Variants in CGNL1 observed in about 807,000 individuals in gnomAD.
The protein encoded by CGNL1 is cingulin-like protein 1.
A neutral mutation model predicts 141.2 loss-of-function variants in CGNL1; 132 were observed. The ratio of observed to expected loss-of-function variants is 0.93; its 90% confidence interval spans 0.81 to 1.08. CGNL1 has a LOEUF of 1.08. CGNL1 is among the 50% of genes least tolerant of loss of function. The pLI is 0.00. For synonymous variants in CGNL1, 690 were observed against 622.1 expected (o/e 1.11, Z -1.63); for missense variants, 1,870 against 1,588.6 (o/e 1.18, Z -3.01).
chr15:57,496,712 A>G (rs1390805233), intron 8 of CGNL1, among the ~76,000 whole-genome samples: 1 of 152,210 alleles, frequency 6.6e-6, no homozygotes, highest in Non-Finnish European at 1.5e-5. Flanking sequence ...CCCTGGAGTC[A>G]GACTCACATG....
intron 8 of CGNL1, among the ~76,000 whole-genome samples, chr15:57,483,933 G>A (rs2063757309): frequency 6.6e-6 from 1 of 152,002 alleles, no homozygotes; most frequent in Non-Finnish European, 1.5e-5. Flanking sequence ...TAGCATTCCT[G>A]GAATAAACTT....
intron 1 of CGNL1, among the ~76,000 whole-genome samples, chr15:57,435,079 G>A (rs1000036848): frequency 6.6e-6 from 1 of 152,144 alleles, no homozygotes; most frequent in Non-Finnish European, 1.5e-5. Context: ...TCTCACAGAT[G>A]TAATGTAGTT....
chr15:57,430,400 A>G (rs543148701), intron 1 of CGNL1, among the ~76,000 whole-genome samples: 28 of 152,258 alleles, frequency 1.8e-4, no homozygotes, highest in Non-Finnish European at 3.1e-4. Context: ...TGAATGACTT[A>G]TCTAACACTT....
intron 8 of CGNL1, among the ~76,000 whole-genome samples, chr15:57,463,277 T>C (rs1220312080): frequency 6.6e-6 from 1 of 152,134 alleles, no homozygotes; most frequent in Non-Finnish European, 1.5e-5. Flanking sequence ...GTCAGAGATA[T>C]GTAAGTGAGG....
At chr15:57,401,954 C>A (rs1451844417) in intron 1 of CGNL1, 1 of 152,056 alleles carries the variant, frequency 6.6e-6, no homozygotes, top group Non-Finnish European at 1.5e-5. Flanking sequence ...GACAATGTAC[C>A]CTTTTTCTTT....
chr15:57,526,027 G>C (rs779643832), intron 12 of CGNL1, among the ~76,000 whole-genome samples: 1 of 152,102 alleles, frequency 6.6e-6, no homozygotes, highest in Non-Finnish European at 1.5e-5. Context: ...AGTACTTCCC[G>C]TTGCGTTTTA....
intron 8 of CGNL1, among the ~76,000 whole-genome samples, chr15:57,479,300 A>G (rs2063695642): frequency 6.6e-6 from 1 of 152,198 alleles, no homozygotes. Context: ...TGGGAAAGGA[A>G]GGGCAGGAGC....
intron 8 of CGNL1, among the ~76,000 whole-genome samples, chr15:57,480,933 A>G (rs909753774): frequency 2.0e-5 from 3 of 152,014 alleles, no homozygotes; most frequent in African/African-American, 4.8e-5. Flanking sequence ...TAGATTTTCT[A>G]TTATTTCCCC....
At position 57,422,302 on chromosome 15, in the gene CGNL1, G is replaced by A. The variant is rs558122285; in HGVS notation, c.-15-15683G>A. Among the ~76,000 whole-genome samples, 8 of 151,660 alleles carry A rather than the reference G, an allele frequency of 5.3e-5. No homozygotes were observed. In the South Asian group the frequency reaches 1.5e-3, roughly 28 times the overall value. ...AAATGTCTGCTTCCTGCCACCCTCA[G>A]GAAGTCAGAGAACAGGGTAAATTTG... On this transcript the variant is annotated intron_variant, in intron 1 of 18. Transcript: ENST00000281282.
At chr15:57,403,440 G>A (rs2062681639) in intron 1 of CGNL1, among the ~76,000 whole-genome samples, 1 of 152,126 alleles carries the variant, frequency 6.6e-6, no homozygotes, top group Non-Finnish European at 1.5e-5. Context: ...CCCAAACCCA[G>A]AAAACAGAAT....
At chr15:57,535,348 A>G (rs1014657653) in intron 14 of CGNL1, among the ~76,000 whole-genome samples, 1 of 152,248 alleles carries the variant, frequency 6.6e-6, no homozygotes, top group South Asian at 2.1e-4. Flanking sequence ...ATTGATAACT[A>G]ACAATAGAAA....
chr15:57,457,412 C>G (rs79097747), intron 7 of CGNL1, among the ~76,000 whole-genome samples: 3,578 of 152,318 alleles, frequency 0.023, 53 homozygotes, highest in Non-Finnish European at 0.031. Flanking sequence ...CCTGTCTCTT[C>G]AGGCTCTGGT....
chr15:57,394,663 T>A (rs1164535944), intron 1 of CGNL1, among the ~76,000 whole-genome samples: 3 of 152,244 alleles, frequency 2.0e-5, no homozygotes, highest in Non-Finnish European at 2.9e-5. Context: ...TGACCTATTG[T>A]AATCTCCCAT....
chr15:57,405,712 A>G (rs985808209), intron 1 of CGNL1, among the ~76,000 whole-genome samples: 2 of 151,552 alleles, frequency 1.3e-5, no homozygotes, highest in Non-Finnish European at 2.9e-5. Flanking sequence ...GAAGATAGAA[A>G]AACTCGCAGA....
chr15:57,533,220 G>T (rs562735714), intron 14 of CGNL1, among the ~76,000 whole-genome samples: 1 of 152,154 alleles, frequency 6.6e-6, no homozygotes, highest in Non-Finnish European at 1.5e-5. Flanking sequence ...TTCTGTCTGC[G>T]TGTTCCCAGG....
At position 57,438,722 on chromosome 15, in the gene CGNL1, C is replaced by A; in HGVS notation, c.723C>A (p.Thr241=). The change falls in exon 2 of 19, where the codon ACC becomes ACA. Residue 241 remains threonine, a synonymous_variant. Coordinates refer to ENST00000281282, the MANE Select transcript of CGNL1 (RefSeq NM_032866.5). ...TGTGTGTAAACGTTCAGAGCTGCACCAAGGAGAGGGTGGGAGAGGAGGCCC... is the reference window on the plus strand; with the variant it reads ...TGTGTGTAAACGTTCAGAGCTGCACAAAGGAGAGGGTGGGAGAGGAGGCCC... ...TSVCVNVQSC[T]KERVGEEALF... 6.2e-7 allele frequency: 1 copy of A among 1,614,120 alleles called. No homozygotes were observed.
chr15:57,500,068 C>T (rs1477318855), intron 8 of CGNL1, among the ~76,000 whole-genome samples: 1 of 152,078 alleles, frequency 6.6e-6, no homozygotes, highest in Non-Finnish European at 1.5e-5. Flanking sequence ...GGCAGCCTTG[C>T]TTTCTAGCAG....
chr15:57,416,581 C>T (rs1320991162), intron 1 of CGNL1, among the ~76,000 whole-genome samples: 1 of 152,178 alleles, frequency 6.6e-6, no homozygotes, highest in East Asian at 1.9e-4. Context: ...ATTTGTGTTG[C>T]TCCAGGAAGG....
Position 57,439,490 on chromosome 15 carries a change from GA to G in CGNL1, c.1495del (p.Thr499GlnfsTer6), listed in dbSNP as rs752203507. ...CACAGAGTAAAAAGGAGGAGGAGGT[GA>G]AAACAGCCACCGCTACGCTGATGTT... ...GAQSKKEEEVKTATATLMLQN... is the reference protein window; with the variant it reads ...GAQSKKEEEVXTATATLMLQN... On this transcript the variant is annotated frameshift_variant, in exon 2 of 19. Coordinates refer to ENST00000281282, the MANE Select transcript of CGNL1 (RefSeq NM_032866.5). LOFTEE classifies it high-confidence loss of function. 2.5e-6 allele frequency: 4 copies of G among 1,614,218 alleles called. No homozygotes were observed. Among genetic ancestry groups the G allele is most frequent in the Non-Finnish European group, 2.5e-6 (3 of 1,180,048 alleles).
Sources: gnomAD v4.1 joint callset for allele counts (sites outside exome capture counted in the v4.1 genomes callset) on GRCh38, gnomAD v4.1.1 for gene constraint, MANE v1.5 for transcripts, NCBI Gene and HGNC (gene_info 2026-07-23, HGNC 2026-07-21) for gene names.